Variants in PCDH11X observed in about 807,000 individuals in gnomAD.
PCDH11X encodes protocadherin 11 X-linked.
PCDH11X carries 18 observed loss-of-function variants against 53.3 expected under a neutral mutation model. The ratio of observed to expected loss-of-function variants is 0.34; its 90% CI spans 0.23 to 0.50. PCDH11X has a LOEUF of 0.50. Among genes scored for constraint, PCDH11X ranks in the 20% least tolerant of loss-of-function variants. PCDH11X has a pLI of 0.98. For synonymous variants in PCDH11X, 279 were observed against 393.3 expected (o/e 0.71, Z 3.44); for missense variants, 570 against 1,032.4 (o/e 0.55, Z 6.14).
intron 6 of PCDH11X, among the ~76,000 whole-genome samples, chrX:91,884,396 A>T (rs990151123): frequency 9.0e-6 from 1 of 110,611 alleles, no homozygotes; most frequent in Non-Finnish European, 1.9e-5. Flanking sequence ...ATGAGGGTGG[A>T]AACAACGATT....
At chrX:92,113,827 A>G in intron 6 of PCDH11X, 1 of 1,207,397 alleles carries the variant, frequency 8.3e-7, no homozygotes, top group Non-Finnish European at 1.1e-6. Context: ...TGTAGCTGAC[A>G]GCAAAACTAC....
intron 10 of PCDH11X, among the ~76,000 whole-genome samples, chrX:92,570,935 TAAACA>T (rs1288624231): frequency 0.024 from 2,640 of 111,630 alleles, 75 homozygotes; most frequent in African/African-American, 0.079. Flanking sequence ...GAAAAAAGAA[TAAACA>T]CATAGATATG....
intron 8 of PCDH11X, among the ~76,000 whole-genome samples, chrX:92,317,038 A>G (rs2069092303): frequency 9.0e-6 from 1 of 111,701 alleles, no homozygotes; most frequent in African/African-American, 3.2e-5. Context: ...TCAAGGGGGA[A>G]AAAAACAGAA....
intron 4 of PCDH11X, among the ~76,000 whole-genome samples, chrX:91,824,279 T>C (rs1275365171): frequency 9.0e-6 from 1 of 111,050 alleles, no homozygotes; most frequent in Non-Finnish European, 1.9e-5. Flanking sequence ...TTTTCCAACT[T>C]GGTTCCATTC....
In PCDH11X at chrX:92,278,597, T is replaced by A. The variant is rs1367753311; in HGVS notation, c.3144+15454T>A. ...TGCTCAGTGGGGGAGCTTCTGAGCCTGGAGAAGGAAATTCACAGGGTTAAT... is the reference window on the plus strand; with the variant it reads ...TGCTCAGTGGGGGAGCTTCTGAGCCAGGAGAAGGAAATTCACAGGGTTAAT... On this transcript the variant is annotated intron_variant, in intron 8 of 10. Coordinates refer to ENST00000682573, the MANE Select transcript of PCDH11X (RefSeq NM_032968.5). Among the ~76,000 whole-genome samples, 12 of 110,170 alleles carry A rather than the reference T, an allele frequency of 1.1e-4. No individual in the cohort carries two copies. The South Asian group carries it at 1.6e-3, about 14-fold the overall frequency.
At chrX:92,200,551 G>A (rs1260941019) in intron 6 of PCDH11X, among the ~76,000 whole-genome samples, 1 of 112,320 alleles carries the variant, frequency 8.9e-6, no homozygotes. Context: ...TTCCAACTTG[G>A]TATTGCTTCC....
At chrX:92,168,872 C>T (rs927712819) in intron 6 of PCDH11X, among the ~76,000 whole-genome samples, 3 of 111,706 alleles carry the variant, frequency 2.7e-5, no homozygotes, top group African/African-American at 9.7e-5. Flanking sequence ...ATTATAAGGT[C>T]TGCTTTGGAG....
At chrX:92,345,936 G>C (rs73245245) in intron 8 of PCDH11X, among the ~76,000 whole-genome samples, 15,988 of 107,963 alleles carry the variant, frequency 0.15, 976 homozygotes, top group African/African-American at 0.22. Context: ...TGTGTGAGTA[G>C]CTAATATAGC....
chrX:92,435,110 T>C (rs1299311608), intron 9 of PCDH11X, among the ~76,000 whole-genome samples: 4 of 110,297 alleles, frequency 3.6e-5, no homozygotes, highest in Non-Finnish European at 7.6e-5. Flanking sequence ...CTAAGAATCA[T>C]AATAAAATGA....
intron 6 of PCDH11X, among the ~76,000 whole-genome samples, chrX:91,905,896 C>A (rs1473242619): frequency 1.8e-5 from 2 of 111,342 alleles, no homozygotes; most frequent in African/African-American, 3.3e-5. Flanking sequence ...ACGTTTCCTG[C>A]ATAATTTCTA....
chrX:92,084,545 A>G (rs1448332150), intron 6 of PCDH11X, among the ~76,000 whole-genome samples: 1 of 110,574 alleles, frequency 9.0e-6, no homozygotes, highest in East Asian at 2.8e-4. Context: ...TCTCAAAAAA[A>G]AAAAAAAAAG....
At chrX:92,605,703 T>A (rs1351446685) in intron 10 of PCDH11X, among the ~76,000 whole-genome samples, 1 of 111,737 alleles carries the variant, frequency 8.9e-6, no homozygotes, top group Non-Finnish European at 1.9e-5. Context: ...TTAAAAAAAT[T>A]AAGAGAATCT....
chrX:92,309,155 T>C (rs1454494864), intron 8 of PCDH11X, among the ~76,000 whole-genome samples: 3 of 112,064 alleles, frequency 2.7e-5, no homozygotes, highest in Non-Finnish European at 3.8e-5. Context: ...TGCTACAGAA[T>C]TGAAAGCAGC....
intron 6 of PCDH11X, among the ~76,000 whole-genome samples, chrX:92,181,636 G>A (rs2065999609): frequency 8.9e-6 from 1 of 111,773 alleles, no homozygotes; most frequent in East Asian, 2.8e-4. Context: ...TGCAGTCTAG[G>A]GACTTGGTGC....
rs186971119 is a variant in PCDH11X, at chrX:92,342,450, C to T, written c.3145-45285C>T. Among the ~76,000 whole-genome samples the T allele has an allele frequency of 3.2e-4, 36 of 111,429 alleles. No homozygotes were observed. The South Asian group carries it at 0.011, about 35-fold the overall frequency. ...ACAATGGCAAAGATGTGGAATCAACCGAGATGCCCATAAACAGTGGATTGG... is the reference window on the plus strand; with the variant it reads ...ACAATGGCAAAGATGTGGAATCAACTGAGATGCCCATAAACAGTGGATTGG... On this transcript the variant is annotated intron_variant, in intron 8 of 10. Transcript: ENST00000682573.
At chrX:92,222,716 C>T (rs909075085) in intron 7 of PCDH11X, among the ~76,000 whole-genome samples, 3 of 111,638 alleles carry the variant, frequency 2.7e-5, no homozygotes, top group South Asian at 7.5e-4. Context: ...ATTTCATCTC[C>T]GTAGGTATAC....
intron 9 of PCDH11X, among the ~76,000 whole-genome samples, chrX:92,420,889 A>G (rs2071949162): frequency 9.0e-6 from 1 of 110,926 alleles, no homozygotes; most frequent in Non-Finnish European, 1.9e-5. Context: ...TTATGGAGCA[A>G]TCACTTTTTC....
chrX:92,044,260 T>A (rs1306655893), intron 6 of PCDH11X, among the ~76,000 whole-genome samples: 1 of 104,700 alleles, frequency 9.6e-6, no homozygotes, highest in African/African-American at 3.5e-5. Context: ...TGAATTGAGA[T>A]GAATACATTC....
At chrX:92,447,363 C>T (rs890395039) in intron 9 of PCDH11X, among the ~76,000 whole-genome samples, 1 of 110,625 alleles carries the variant, frequency 9.0e-6, no homozygotes, top group Non-Finnish European at 1.9e-5. Flanking sequence ...CTTTGTGGGC[C>T]AGGCTCAGGT....
Sources: allele counts gnomAD v4.1 joint callset (sites outside exome capture counted in the v4.1 genomes callset), GRCh38; gene constraint gnomAD v4.1.1; transcripts MANE v1.5; gene names NCBI Gene and HGNC (gene_info 2026-07-23, HGNC 2026-07-21).